NLRP7: variants seen among roughly 807,000 people sequenced by gnomAD.
NLRP7 encodes NACHT, LRR and PYD domains-containing protein 7.
NLRP7 carries 72 observed loss-of-function variants against 85.5 expected under a neutral mutation model. The ratio of observed to expected loss-of-function variants is 0.84; its 90% CI spans 0.70 to 1.02. The LOEUF is 1.02. NLRP7 is among the 50% of genes least tolerant of loss of function. The pLI is 0.00. For synonymous variants in NLRP7, 550 were observed against 505.2 expected (o/e 1.09, Z -1.19); for missense variants, 1,243 against 1,219.5 (o/e 1.02, Z -0.29).
At chr19:54,924,835 C>T (rs8112772) in intron 9 of NLRP7, among the ~76,000 whole-genome samples, 12,845 of 152,084 alleles carry the variant, frequency 0.084, 577 homozygotes, top group South Asian at 0.12. Context: ...ACTCAGGAGG[C>T]TGAGACAGGA....
At chr19:54,936,161 T>C (rs745526380) in intron 6 of NLRP7, 100 bp downstream of exon 6, 2 of 1,025,956 alleles carry the variant, frequency 1.9e-6, no homozygotes, top group South Asian at 1.3e-5. Context: ...ATTCCCTGTC[T>C]GGGACGGCAT....
rs1364376743 is a variant in NLRP7 at position 54,939,153 on chromosome 19, G to A, written c.1666C>T (p.His556Tyr). 2.5e-6 allele frequency: 4 copies of A among 1,614,242 alleles called. No individual in the cohort carries two copies. In the African/African-American group the frequency reaches 4.0e-5, roughly 16 times the overall value. ...GATAAGGGCTTATTTGCATGAAGAT[G>A]TGCTTTGCATTGCAGCAATTCCTGT... Residue 556 changes from histidine to tyrosine, a missense_variant, in exon 4 of 10, where the codon CAT becomes TAT. Coordinates refer to ENST00000340844, the Ensembl canonical transcript of NLRP7.
chr19:54,956,404 A>G (rs1308079712), intron 1 of NLRP7, among the ~76,000 whole-genome samples: 1 of 151,830 alleles, frequency 6.6e-6, no homozygotes, highest in Non-Finnish European at 1.5e-5. Context: ...AGTAGGAAAA[A>G]CAGGACTGGG....
chr19:54,963,858 G>T (rs1602256658), intron 1 of NLRP7, among the ~76,000 whole-genome samples: 1 of 147,816 alleles, frequency 6.8e-6, no homozygotes. Flanking sequence ...AAAGAAACAT[G>T]AAAAAAAGCT....
Position 54,934,030 on chromosome 19 carries a change from G to A in NLRP7, c.2472-291C>T, listed in dbSNP as rs894523161. The stretch of plus-strand genomic sequence containing the variant: ...CGATCTCGGTTCACTGCCAATCGCC[G>A]CCTCCCAGGTTTACACCATTCTGCT... On this transcript the variant is annotated intron_variant, in intron 7 of 9. Coordinates refer to ENST00000340844, the Ensembl canonical transcript of NLRP7. This position sits in a 1 kb window ranked among gnomAD's most constrained non-coding sequence, Gnocchi z 6.7. 4.6e-5 allele frequency among the ~76,000 whole-genome samples: 7 copies of A among 152,126 alleles called. No homozygotes were observed. Among genetic ancestry groups the A allele is most frequent in the East Asian group, 1.9e-4 (1 of 5,168 alleles).
rs757644523 is a variant in NLRP7 at position 54,933,751 on chromosome 19, T to G, written c.2472-12A>C. 6 of 1,612,068 alleles carry G rather than the reference T, an allele frequency of 3.7e-6. No individual in the cohort carries two copies. The Admixed American group carries it at 1.0e-4, about 27-fold the overall frequency. ...GACAGTTTTCCAACCTGCAAAAATA[T>G]GAAACAAATGGTAGAAGGATGAGAA... On this transcript the variant is annotated splice_polypyrimidine_tract_variant and intron_variant, in intron 7 of 9. Coordinates refer to ENST00000340844, the Ensembl canonical transcript of NLRP7.
chr19:54,931,162 G>A (rs909662783), intron 8 of NLRP7, among the ~76,000 whole-genome samples: 7 of 152,124 alleles, frequency 4.6e-5, no homozygotes, highest in African/African-American at 7.2e-5. Flanking sequence ...AGTGGCTCAC[G>A]CCTATAATCA....
At chr19:54,943,555 C>G (rs753421644) in intron 1 of NLRP7, among the ~76,000 whole-genome samples, 1 of 145,628 alleles carries the variant, frequency 6.9e-6, no homozygotes, top group African/African-American at 2.5e-5. Context: ...GAGCGGAGAT[C>G]GCGCCACCGC....
chr19:54,963,503 C>A lies in NLRP7; in HGVS notation c.-77+2537G>T, dbSNP rs147420671. 8.8e-3 allele frequency among the ~76,000 whole-genome samples: 1,332 copies of A among 151,776 alleles called. 21 individuals are homozygous for A. The highest frequency in any genetic ancestry group is 0.031 in the African/African-American group (1,275 of 41,420). ...AAGAGTTTGAGACCAGCCTGGCCAA[C>A]ATAGTGAAACCCCATCTCTACTAAA... On this transcript the variant is annotated intron_variant, in intron 1 of 2. Coordinates refer to the NLRP7 transcript ENST00000587103.
intron 5 of NLRP7, 98 bp from the exon 6 acceptor site, chr19:54,936,529 T>A: frequency 9.0e-7 from 1 of 1,106,512 alleles, no homozygotes; most frequent in Non-Finnish European, 1.4e-6. Context: ...TAGAAATTAT[T>A]AGAAGTTCTT....
rs149161025 is a variant in NLRP7, at chr19:54,954,108, C to T, written c.-76-6603G>A. On this transcript the variant is annotated intron_variant, in intron 1 of 2. Transcript: ENST00000587103. ...ACCTCTGGTTGTCCTCACCGCTCCA[C>T]TCCCAGCAGCCCCATGACAGTTTAC... 3.3e-5 allele frequency among the ~76,000 whole-genome samples: 5 copies of T among 149,642 alleles called. No homozygotes were observed. The East Asian group carries it at 9.7e-4, about 29-fold the overall frequency.
At chr19:54,960,136 G>C (rs191160062) in intron 1 of NLRP7, among the ~76,000 whole-genome samples, 1 of 151,530 alleles carries the variant, frequency 6.6e-6, no homozygotes, top group Non-Finnish European at 1.5e-5. Flanking sequence ...GGTGTTTCTT[G>C]TTTTTTTTGT....
intron 8 of NLRP7, among the ~76,000 whole-genome samples, chr19:54,932,376 CAAGATT>C (rs1379476975): frequency 1.3e-5 from 2 of 149,552 alleles, no homozygotes; most frequent in Admixed American, 1.3e-4. Flanking sequence ...TGCAGTCAGC[CAAGATT>C]ACACCACTGC....
At chr19:54,948,416 T>C (rs570169326), upstream of NLRP7, among the ~76,000 whole-genome samples, 1 of 152,024 alleles carries the variant, frequency 6.6e-6, no homozygotes, top group Non-Finnish European at 1.5e-5. Flanking sequence ...CCATACATGA[T>C]GGGCTGCACC....
chr19:54,931,830 CAGAG>C (rs1214487405), intron 8 of NLRP7, among the ~76,000 whole-genome samples: 1 of 128,088 alleles, frequency 7.8e-6, no homozygotes, highest in East Asian at 2.5e-4. Flanking sequence ...AGCCTGGTGA[CAGAG>C]AGAGACTGTT....
chr19:54,955,362 T>C (rs1245888492), intron 1 of NLRP7, among the ~76,000 whole-genome samples: 1 of 151,994 alleles, frequency 6.6e-6, no homozygotes, highest in African/African-American at 2.4e-5. Context: ...TGGAATAATT[T>C]TCTTCTTTAG....
At chr19:54,932,264 C>T (rs1265807216) in intron 8 of NLRP7, among the ~76,000 whole-genome samples, 1 of 151,908 alleles carries the variant, frequency 6.6e-6, no homozygotes, top group Non-Finnish European at 1.5e-5. Flanking sequence ...CTCATCTCCA[C>T]TAAAAGTGCA....
upstream of NLRP7, chr19:54,948,900 A>G: frequency 5.2e-6 from 1 of 190,588 alleles, no homozygotes; most frequent in South Asian, 1.2e-4. Context: ...GAATTTTGGT[A>G]GTTTAAACTG....
chr19:54,958,095 A>T (rs1245038224), intron 1 of NLRP7, among the ~76,000 whole-genome samples: 1 of 151,974 alleles, frequency 6.6e-6, no homozygotes, highest in Non-Finnish European at 1.5e-5. Flanking sequence ...GGAGCCTGTA[A>T]TCCCAGCTAC....
Sources: gnomAD v4.1 joint callset for allele counts (sites outside exome capture counted in the v4.1 genomes callset) on GRCh38, gnomAD v4.1.1 for gene constraint, Gnocchi (gnomAD v3.1) non-coding constraint, MANE v1.5 for transcripts, NCBI Gene and HGNC (gene_info 2026-07-23, HGNC 2026-07-21) for gene names.